DPF3: variants seen among roughly 807,000 people sequenced by gnomAD.
The protein encoded by DPF3 is zinc finger protein DPF3.
In DPF3, 18 loss-of-function variants were observed where a neutral mutation model predicts 56.8. The observed-to-expected ratio is 0.32, with a 90% CI of 0.22 to 0.47. DPF3 has a LOEUF of 0.47. DPF3 is among the 20% of genes least tolerant of loss of function. DPF3 has a pLI of 1.00. For synonymous variants in DPF3, 188 were observed against 180.2 expected (o/e 1.04, Z -0.35); for missense variants, 403 against 488.8 (o/e 0.82, Z 1.65).
chr14:72,763,326 G>A (rs1032746584), intron 2 of DPF3, among the ~76,000 whole-genome samples: 4 of 151,968 alleles, frequency 2.6e-5, no homozygotes, highest in African/African-American at 9.7e-5. Flanking sequence ...CAAATTTAGA[G>A]GGCTAACACC....
At chr14:72,862,158 AC>A (rs1885463490) in intron 1 of DPF3, among the ~76,000 whole-genome samples, 2 of 152,172 alleles carry the variant, frequency 1.3e-5, no homozygotes, top group South Asian at 4.1e-4. Flanking sequence ...CTTTATAGCA[AC>A]CAGTTTGCAT....
At chr14:72,836,664 C>T (rs1884310590) in intron 1 of DPF3, among the ~76,000 whole-genome samples, 1 of 152,066 alleles carries the variant, frequency 6.6e-6, no homozygotes, top group South Asian at 2.1e-4. Flanking sequence ...CCGCCCTTGT[C>T]TTATCTCGAT....
At chr14:72,789,639 C>T (rs1892347768) in intron 1 of DPF3, among the ~76,000 whole-genome samples, 1 of 152,172 alleles carries the variant, frequency 6.6e-6, no homozygotes, top group South Asian at 2.1e-4. Context: ...AAGCAATTCA[C>T]CTACTTAGCT....
chr14:72,625,651 A>C (rs1319310462), intron 9 of DPF3, among the ~76,000 whole-genome samples: 2 of 152,318 alleles, frequency 1.3e-5, no homozygotes, highest in Admixed American at 1.3e-4. Context: ...CTAGGAAATA[A>C]ATGTATGTGT....
intron 1 of DPF3, among the ~76,000 whole-genome samples, chr14:72,831,217 G>A (rs1884044679): frequency 1.3e-5 from 2 of 152,138 alleles, no homozygotes; most frequent in African/African-American, 4.8e-5. Context: ...CGTGACGCGG[G>A]AGGGGATTCC....
chr14:72,856,868 G>A (rs981082951), intron 1 of DPF3, among the ~76,000 whole-genome samples: 3 of 152,262 alleles, frequency 2.0e-5, no homozygotes, highest in Non-Finnish European at 4.4e-5. Context: ...GCAAGAGGAA[G>A]TGGGCCTCCC....
chr14:72,633,715 G>T (rs1359341524), intron 8 of DPF3, among the ~76,000 whole-genome samples: 1 of 152,152 alleles, frequency 6.6e-6, no homozygotes, highest in Admixed American at 6.5e-5. Flanking sequence ...CCCAAGGAAG[G>T]AAAGTCAGCA....
At chr14:72,698,862 G>A (rs902963609) in intron 6 of DPF3, among the ~76,000 whole-genome samples, 5 of 45,846 alleles carry the variant, frequency 1.1e-4, no homozygotes, top group Non-Finnish European at 1.6e-4. Context: ...AAGCATGGCA[G>A]GTCCTGTGTA....
chr14:72,670,998 G>A, intron 8 of DPF3: 3 of 1,448,646 alleles, frequency 2.1e-6, no homozygotes, highest in Non-Finnish European at 2.7e-6. Flanking sequence ...GGGACACGTG[G>A]GAGGTGAAGG....
chr14:72,734,368 GA>G (rs1889800860), intron 3 of DPF3, among the ~76,000 whole-genome samples: 1 of 152,116 alleles, frequency 6.6e-6, no homozygotes, highest in Non-Finnish European at 1.5e-5. Flanking sequence ...CTGCTTTAAT[GA>G]GTTCATGGAG....
intron 8 of DPF3, among the ~76,000 whole-genome samples, chr14:72,667,665 A>G (rs1886496836): frequency 1.3e-5 from 2 of 152,224 alleles, no homozygotes; most frequent in Non-Finnish European, 2.9e-5. Flanking sequence ...GATGATTAAG[A>G]AGGTAAGTTA....
intron 8 of DPF3, chr14:72,670,987 A>G: frequency 7.1e-7 from 1 of 1,410,832 alleles, no homozygotes; most frequent in Non-Finnish European, 9.2e-7. Flanking sequence ...GGAGGGATGG[A>G]GGGACACGTG....
At chr14:72,847,483 C>T (rs772356248) in intron 1 of DPF3, among the ~76,000 whole-genome samples, 8 of 151,994 alleles carry the variant, frequency 5.3e-5, no homozygotes, top group Non-Finnish European at 5.9e-5. Flanking sequence ...GCTAACCGTG[C>T]CTCAGTTTTC....
chr14:72,788,653 C>T (rs1892310690), intron 1 of DPF3, among the ~76,000 whole-genome samples: 1 of 152,194 alleles, frequency 6.6e-6, no homozygotes, highest in Non-Finnish European at 1.5e-5. Flanking sequence ...CTCTGCCCTC[C>T]TCCCCACCTC....
intron 4 of DPF3, among the ~76,000 whole-genome samples, chr14:72,725,615 C>G (rs1287038953): frequency 6.6e-6 from 1 of 152,046 alleles, no homozygotes; most frequent in East Asian, 1.9e-4. Context: ...CAGGGTAACC[C>G]CATCTCCTCT....
At chr14:72,748,518 A>G in intron 3 of DPF3, among the ~76,000 whole-genome samples, 1 of 152,250 alleles carries the variant, frequency 6.6e-6, no homozygotes, top group East Asian at 1.9e-4. Flanking sequence ...AGCTGGCTAC[A>G]GAAATTTGCA....
At chr14:72,714,839 C>T (rs769611763) in intron 5 of DPF3, among the ~76,000 whole-genome samples, 4 of 152,148 alleles carry the variant, frequency 2.6e-5, no homozygotes, top group South Asian at 2.1e-4. Flanking sequence ...CTGAAAAGCC[C>T]TCCTCTACCA....
At chr14:72,760,959 G>C (rs750234601) in intron 2 of DPF3, among the ~76,000 whole-genome samples, 22 of 152,062 alleles carry the variant, frequency 1.4e-4, no homozygotes, top group Non-Finnish European at 2.5e-4. Flanking sequence ...GGAGATTTCA[G>C]ATAAAATAAT....
chr14:72,758,110 A>T (rs1358506737), intron 2 of DPF3, among the ~76,000 whole-genome samples: 1 of 152,240 alleles, frequency 6.6e-6, no homozygotes, highest in Non-Finnish European at 1.5e-5. Flanking sequence ...CATTGGAACA[A>T]TGCAAATATT....
Sources: gnomAD v4.1 joint callset for allele counts (sites outside exome capture counted in the v4.1 genomes callset) on GRCh38, gnomAD v4.1.1 for gene constraint, MANE v1.5 for transcripts, NCBI Gene and HGNC (gene_info 2026-07-23, HGNC 2026-07-21) for gene names.